The following UPP2 variants were observed in gnomAD, a reference collection of about 807,000 sequenced individuals.
UPP2 encodes UPase 2.
Under a neutral mutation model 26.7 loss-of-function variants are expected in UPP2, and 23 were observed. The observed-to-expected ratio is 0.86, with a 90% CI of 0.62 to 1.22. The LOEUF (loss-of-function observed/expected upper bound fraction) is 1.22. Among genes scored for constraint, UPP2 ranks in the 50% most tolerant of loss-of-function variants. The pLI is 0.00. For synonymous variants in UPP2, 127 were observed against 141.3 expected, an observed-to-expected ratio of 0.90 and a Z score of 0.72; for missense variants, 387 against 396.7, an observed-to-expected ratio of 0.98 and a Z score of 0.21.
chr2:158,095,485 C>T (rs1460013324), intron 3 of UPP2, among the ~76,000 whole-genome samples: 3 of 152,152 alleles, frequency 2.0e-5, no homozygotes, highest in Non-Finnish European at 4.4e-5. Flanking sequence ...TCTCCTTGGA[C>T]TTTGTCTTCT....
intron 3 of UPP2, among the ~76,000 whole-genome samples, chr2:158,076,880 A>T (rs1434595765): frequency 6.6e-6 from 1 of 152,094 alleles, no homozygotes; most frequent in Non-Finnish European, 1.5e-5. Flanking sequence ...AAGTAAAATT[A>T]TTCTTGTTTG....
intron 3 of UPP2, among the ~76,000 whole-genome samples, chr2:158,087,380 C>T (rs1464237429): frequency 6.6e-6 from 1 of 151,890 alleles, no homozygotes; most frequent in Non-Finnish European, 1.5e-5. Flanking sequence ...TATGTGAGTC[C>T]TTATGTGTTA....
At chr2:158,090,643 T>C (rs148471727) in intron 3 of UPP2, among the ~76,000 whole-genome samples, 68 of 152,306 alleles carry the variant, frequency 4.5e-4, no homozygotes, top group Non-Finnish European at 8.4e-4. Context: ...TATTTTTGCT[T>C]GTTAAACAAA....
chr2:158,016,746 G>C (rs1683665740), intron 3 of UPP2, among the ~76,000 whole-genome samples: 1 of 152,070 alleles, frequency 6.6e-6, no homozygotes, highest in Non-Finnish European at 1.5e-5. Context: ...CTATAATCCT[G>C]GAGAGATACG....
chr2:158,080,252 C>T (rs1311872703), intron 3 of UPP2, among the ~76,000 whole-genome samples: 1 of 152,010 alleles, frequency 6.6e-6, no homozygotes, highest in Non-Finnish European at 1.5e-5. Flanking sequence ...ATTTTATCTT[C>T]CCAATACTCC....
chr2:158,019,639 AACACACACAC>A (rs57149695), intron 3 of UPP2, among the ~76,000 whole-genome samples: 11,430 of 141,128 alleles, frequency 0.081, 513 homozygotes, highest in Non-Finnish European at 0.092. Flanking sequence ...AATCCTTTAA[AACACACACAC>A]ACACACACAC....
chr2:158,045,314 G>T lies in UPP2; in HGVS notation c.147+29428G>T, dbSNP rs538895489. Among the ~76,000 whole-genome samples, 4 of 152,208 alleles carry T rather than the reference G, an allele frequency of 2.6e-5. No homozygotes were observed. In the East Asian group the frequency reaches 7.8e-4, roughly 30 times the overall value. On this transcript the variant is annotated intron_variant, in intron 3 of 9. Coordinates refer to the UPP2 transcript ENST00000605860. ...AGTGATGGTGAAAGGATGGTAAGAT[G>T]CAGGCGAAGACAAGGAAAACCCCAC...
chr2:158,064,048 G>A (rs1383210927), intron 3 of UPP2, among the ~76,000 whole-genome samples: 1 of 152,188 alleles, frequency 6.6e-6, no homozygotes, highest in African/African-American at 2.4e-5. Context: ...TAGTGCTGCA[G>A]TAAACATACG....
At chr2:158,030,937 T>C (rs1034059200) in intron 3 of UPP2, among the ~76,000 whole-genome samples, 7 of 152,244 alleles carry the variant, frequency 4.6e-5, no homozygotes, top group Non-Finnish European at 1.0e-4. Context: ...CTGGGATGGT[T>C]ATCTGTACTC....
chr2:158,042,381 G>A (rs1684093599), intron 3 of UPP2, among the ~76,000 whole-genome samples: 1 of 152,148 alleles, frequency 6.6e-6, no homozygotes, highest in African/African-American at 2.4e-5. Context: ...TCTAGAAGGG[G>A]AAGTTGTCTG....
At chr2:158,068,557 G>A (rs1439488244) in intron 3 of UPP2, among the ~76,000 whole-genome samples, 6 of 151,534 alleles carry the variant, frequency 4.0e-5, no homozygotes, top group Non-Finnish European at 8.8e-5. Flanking sequence ...ACAGAGACGG[G>A]GGCAGGGGCA....
intron 3 of UPP2, chr2:158,065,657 A>C (rs1192078986): frequency 1.7e-6 from 1 of 581,224 alleles, no homozygotes; most frequent in Non-Finnish European, 3.3e-6. Flanking sequence ...AGAGGAACTT[A>C]AGAAGTATGG....
intron 3 of UPP2, among the ~76,000 whole-genome samples, chr2:158,081,360 T>C (rs540503467): frequency 6.6e-6 from 1 of 152,288 alleles, no homozygotes; most frequent in East Asian, 1.9e-4. Flanking sequence ...AACATTTTTT[T>C]CTATTGAAGG....
At chr2:158,033,537 C>T (rs1683956772) in intron 3 of UPP2, among the ~76,000 whole-genome samples, 1 of 152,178 alleles carries the variant, frequency 6.6e-6, no homozygotes, top group African/African-American at 2.4e-5. Context: ...CCAGTGAGTA[C>T]TCCTCCTCTT....
intron 3 of UPP2, among the ~76,000 whole-genome samples, chr2:158,033,857 T>C (rs890766909): frequency 3.9e-5 from 6 of 152,338 alleles, no homozygotes; most frequent in African/African-American, 1.4e-4. Context: ...AATTAGTTTA[T>C]TTGCTTATTC....
chr2:158,089,671 G>C (rs908178318), intron 3 of UPP2, among the ~76,000 whole-genome samples: 1 of 152,186 alleles, frequency 6.6e-6, no homozygotes, highest in Non-Finnish European at 1.5e-5. Flanking sequence ...TGCCCACAGG[G>C]CTCTTCTCGC....
chr2:158,096,654 T>C, intron 3 of UPP2, among the ~76,000 whole-genome samples: 1 of 151,976 alleles, frequency 6.6e-6, no homozygotes, highest in Non-Finnish European at 1.5e-5. Context: ...AATAGGAGAA[T>C]GGATAAATTG....
At chr2:158,115,431 G>C (rs1273337745) in intron 3 of UPP2, among the ~76,000 whole-genome samples, 172 bp downstream of exon 3, 1 of 152,102 alleles carries the variant, frequency 6.6e-6, no homozygotes, top group African/African-American at 2.4e-5. Context: ...AACACAGCAT[G>C]CAGCATCATT....
intron 3 of UPP2, among the ~76,000 whole-genome samples, chr2:158,117,335 T>C (rs1683460918): frequency 6.6e-6 from 1 of 152,104 alleles, no homozygotes; most frequent in South Asian, 2.1e-4. Context: ...CCCACGTTTC[T>C]ACTCTAGTAC....
Sources: allele counts gnomAD v4.1 joint callset (sites outside exome capture counted in the v4.1 genomes callset), GRCh38; gene constraint gnomAD v4.1.1; transcripts MANE v1.5; gene names NCBI Gene and HGNC (gene_info 2026-07-23, HGNC 2026-07-21).